Variants in CDK14 observed in about 807,000 individuals in gnomAD.
CDK14 encodes the protein cyclin-dependent kinase 14.
A neutral mutation model predicts 60.7 loss-of-function variants in CDK14; 34 were observed. The observed-to-expected ratio is 0.56, with a 90% CI of 0.43 to 0.75. CDK14 has a LOEUF of 0.75. CDK14 is among the 30% of genes least tolerant of loss of function. The probability of loss-of-function intolerance (pLI) is 0.00; values close to 1 mark genes in which losing one functional copy is unlikely to be tolerated. For missense variants in CDK14, 482 were observed against 564.1 expected, an observed-to-expected ratio of 0.85 and a Z score of 1.47; for synonymous variants, 197 against 203.7, an observed-to-expected ratio of 0.97 and a Z score of 0.28.
chr7:90,768,460 G>A (rs1042032274), intron 4 of CDK14, among the ~76,000 whole-genome samples: 1 of 152,186 alleles, frequency 6.6e-6, no homozygotes, highest in Admixed American at 6.5e-5. Context: ...AGCAGAGTTG[G>A]CAGGATGAAT....
At chr7:90,842,452 T>G (rs1350675555) in intron 5 of CDK14, among the ~76,000 whole-genome samples, 2 of 152,062 alleles carry the variant, frequency 1.3e-5, no homozygotes, top group African/African-American at 2.4e-5. Flanking sequence ...TACTGCAGCC[T>G]AGGAAAATAA....
At chr7:91,098,538 A>G (rs1799072927) in intron 12 of CDK14, among the ~76,000 whole-genome samples, 1 of 149,118 alleles carries the variant, frequency 6.7e-6, no homozygotes. Flanking sequence ...AAAAAAAAAA[A>G]GAAATAAAGG....
intron 6 of CDK14, among the ~76,000 whole-genome samples, chr7:90,880,739 T>C (rs1260948826): frequency 1.3e-5 from 2 of 152,046 alleles, no homozygotes; most frequent in Non-Finnish European, 2.9e-5. Flanking sequence ...GGCAACCAAC[T>C]TTGCTGCTCT....
At chr7:91,175,208 A>G (rs1049104239) in intron 14 of CDK14, among the ~76,000 whole-genome samples, 1 of 152,044 alleles carries the variant, frequency 6.6e-6, no homozygotes, top group Non-Finnish European at 1.5e-5. Context: ...AGCCAAACTA[A>G]GCGTCATAAG....
intron 5 of CDK14, among the ~76,000 whole-genome samples, chr7:90,827,412 A>G (rs1465345115): frequency 6.6e-6 from 1 of 152,212 alleles, no homozygotes; most frequent in African/African-American, 2.4e-5. Flanking sequence ...AGCTATACAC[A>G]TTCATGTGCA....
chr7:90,848,731 A>G (rs888117331), intron 5 of CDK14, among the ~76,000 whole-genome samples: 11 of 152,178 alleles, frequency 7.2e-5, no homozygotes, highest in African/African-American at 2.2e-4. Context: ...AATGTCTTTC[A>G]GTGTCTGATT....
At chr7:90,636,306 C>T (rs1027513713) in intron 2 of CDK14, among the ~76,000 whole-genome samples, 1 of 152,118 alleles carries the variant, frequency 6.6e-6, no homozygotes, top group African/African-American at 2.4e-5. Context: ...TGAAATACGT[C>T]CCATCAATAC....
At chr7:90,996,461 T>G (rs1436765231) in intron 10 of CDK14, among the ~76,000 whole-genome samples, 4 of 152,246 alleles carry the variant, frequency 2.6e-5, no homozygotes, top group African/African-American at 9.6e-5. Context: ...CACTATTACA[T>G]AACTTGATAA....
chr7:90,986,403 A>C (rs950874028), intron 10 of CDK14, among the ~76,000 whole-genome samples: 3 of 151,994 alleles, frequency 2.0e-5, no homozygotes, highest in African/African-American at 7.2e-5. Flanking sequence ...CCTTCATTTA[A>C]ACTCATGAAA....
At chr7:90,857,719 C>G (rs944930116) in intron 5 of CDK14, among the ~76,000 whole-genome samples, 4 of 152,162 alleles carry the variant, frequency 2.6e-5, no homozygotes, top group African/African-American at 9.7e-5. Context: ...ATGAGGGAGA[C>G]ACACTGGCTC....
intron 14 of CDK14, among the ~76,000 whole-genome samples, chr7:91,189,019 T>C (rs912134238): frequency 6.6e-6 from 1 of 152,220 alleles, no homozygotes; most frequent in Non-Finnish European, 1.5e-5. Context: ...TTCATGATTA[T>C]TTTCAACTTA....
chr7:90,650,613 C>A (rs949047181), intron 2 of CDK14, among the ~76,000 whole-genome samples: 2 of 152,136 alleles, frequency 1.3e-5, no homozygotes, highest in African/African-American at 4.8e-5. Flanking sequence ...AGTCTTTAAT[C>A]CATCTTGAAT....
chr7:90,759,643 C>T (rs1278109884), intron 4 of CDK14, among the ~76,000 whole-genome samples: 2 of 152,190 alleles, frequency 1.3e-5, no homozygotes, highest in Admixed American at 1.3e-4. Context: ...CCAGGTTCTG[C>T]ACCCTACCTC....
At chr7:91,061,682 C>G (rs1797794440) in intron 11 of CDK14, among the ~76,000 whole-genome samples, 1 of 152,204 alleles carries the variant, frequency 6.6e-6, no homozygotes, top group Non-Finnish European at 1.5e-5. Context: ...CCCTGTTTGC[C>G]TGGGTATCAG....
intron 3 of CDK14, among the ~76,000 whole-genome samples, chr7:90,736,165 A>T (rs1803094255): frequency 6.6e-6 from 1 of 151,964 alleles, no homozygotes; most frequent in Non-Finnish European, 1.5e-5. Flanking sequence ...CTGTCCAACC[A>T]GTCCCAGTGA....
intron 2 of CDK14, among the ~76,000 whole-genome samples, chr7:90,690,730 A>G (rs1174638044): frequency 2.4e-5 from 3 of 124,532 alleles, no homozygotes; most frequent in Non-Finnish European, 5.2e-5. Flanking sequence ...GAGCCGCAAC[A>G]TACATTAATT....
intron 7 of CDK14, among the ~76,000 whole-genome samples, chr7:90,908,248 G>A (rs1792776326): frequency 6.6e-6 from 1 of 152,108 alleles, no homozygotes; most frequent in Admixed American, 6.6e-5. Context: ...GGGGATCTGA[G>A]TAGTGAATTT....
At chr7:90,804,931 A>G (rs1025045873) in intron 5 of CDK14, among the ~76,000 whole-genome samples, 1 of 152,096 alleles carries the variant, frequency 6.6e-6, no homozygotes, top group Non-Finnish European at 1.5e-5. Context: ...GCCAATCTTT[A>G]AAAAACGCTA....
chr7:91,061,091 G>A (rs1027521434), intron 11 of CDK14, among the ~76,000 whole-genome samples: 1 of 152,146 alleles, frequency 6.6e-6, no homozygotes, highest in Non-Finnish European at 1.5e-5. Flanking sequence ...TGGAGGCTTT[G>A]TTCATTTCTT....
Sources: gnomAD v4.1 joint callset for allele counts (sites outside exome capture counted in the v4.1 genomes callset) on GRCh38, gnomAD v4.1.1 for gene constraint, MANE v1.5 for transcripts, NCBI Gene and HGNC (gene_info 2026-07-23, HGNC 2026-07-21) for gene names.